DSCAM: variants seen among roughly 807,000 people sequenced by gnomAD.
DSCAM encodes cell adhesion molecule DSCAM.
In DSCAM, 47 loss-of-function variants were observed where a neutral mutation model predicts 217.7. That is an observed-to-expected ratio of 0.22 (90% CI 0.17 to 0.28). The LOEUF is 0.28. Among genes scored for constraint, DSCAM ranks in the 10% least tolerant of loss-of-function variants. The pLI is 1.00. For missense variants in DSCAM, 2,080 were observed against 2,618.3 expected (o/e 0.79, Z 4.49); for synonymous variants, 1,056 against 1,015.3 (o/e 1.04, Z -0.76).
chr21:40,169,802 C>A (rs1888500), intron 15 of DSCAM, among the ~76,000 whole-genome samples: 81,240 of 151,806 alleles, frequency 0.54, 22,243 homozygotes, highest in African/African-American at 0.62. Flanking sequence ...TGCACCCCTC[C>A]TTCACACACT....
At chr21:40,255,922 C>CG (rs1569026215) in intron 11 of DSCAM, among the ~76,000 whole-genome samples, 1 of 152,134 alleles carries the variant, frequency 6.6e-6, no homozygotes, top group African/African-American at 2.4e-5. Flanking sequence ...CACAGTGCTG[C>CG]GGACGCTCTG....
chr21:40,742,283 G>A (rs1292928575), intron 1 of DSCAM, among the ~76,000 whole-genome samples: 2 of 152,142 alleles, frequency 1.3e-5, no homozygotes, highest in Non-Finnish European at 2.9e-5. Context: ...TCTTTTTCTG[G>A]TAGCTCATTA....
chr21:40,118,415 C>T (rs2089996716), intron 20 of DSCAM, among the ~76,000 whole-genome samples: 1 of 152,116 alleles, frequency 6.6e-6, no homozygotes, highest in South Asian at 2.1e-4. Flanking sequence ...GTGAAAACCC[C>T]ATCTCCACTA....
intron 15 of DSCAM, 120 bp from the exon 16 acceptor site, chr21:40,167,408 GT>G: frequency 1.3e-6 from 1 of 775,176 alleles, no homozygotes; most frequent in South Asian, 1.6e-5. Flanking sequence ...AGAGAAAGAA[GT>G]TTTTAGCGGT....
intron 1 of DSCAM, among the ~76,000 whole-genome samples, chr21:40,826,491 G>T (rs1391871686): frequency 1.3e-5 from 2 of 152,224 alleles, no homozygotes; most frequent in African/African-American, 4.8e-5. Context: ...TTTATATTTT[G>T]AGGAAATCCC....
intron 3 of DSCAM, among the ~76,000 whole-genome samples, chr21:40,616,041 G>A (rs1337684496): frequency 1.3e-5 from 2 of 151,380 alleles, no homozygotes; most frequent in Non-Finnish European, 2.9e-5. Context: ...AACACAAGAG[G>A]CCTCGGTTAT....
At position 40,338,320 on chromosome 21, in the gene DSCAM, A is replaced by C; in HGVS notation, c.1564T>G (p.Tyr522Asp). Residue 522 changes from tyrosine (Y) to aspartate (D), a missense_variant, in exon 8 of 33, where the codon TAC (tyrosine) becomes GAC (aspartate). Coordinates refer to ENST00000400454, the MANE Select transcript of DSCAM (RefSeq NM_001389.5). ...TAGCCAATCACACGACAGTGAATGT[A>C]TGTGTCCCGTCCTGCTATTGCTGTG... ...NITAIAGRDTYIHCRVIGYPY... is the reference protein window; with the variant it reads ...NITAIAGRDTDIHCRVIGYPY... 1 of 1,614,228 alleles carries C rather than the reference A, an allele frequency of 6.2e-7. No homozygotes were observed. The highest frequency in any genetic ancestry group is 8.5e-7 in the Non-Finnish European group (1 of 1,180,028).
At chr21:40,543,527 C>T (rs2076557813) in intron 3 of DSCAM, among the ~76,000 whole-genome samples, 1 of 152,126 alleles carries the variant, frequency 6.6e-6, no homozygotes, top group Non-Finnish European at 1.5e-5. Context: ...GGAAATCACA[C>T]ATCCCTTCTT....
At chr21:40,479,336 G>A (rs1266516956) in intron 3 of DSCAM, among the ~76,000 whole-genome samples, 1 of 152,120 alleles carries the variant, frequency 6.6e-6, no homozygotes, top group Non-Finnish European at 1.5e-5. Flanking sequence ...ATCATTAACG[G>A]TGCAGGGGTA....
intron 8 of DSCAM, among the ~76,000 whole-genome samples, chr21:40,323,202 C>T (rs1437585682): frequency 6.6e-6 from 1 of 152,164 alleles, no homozygotes; most frequent in East Asian, 1.9e-4. Flanking sequence ...CTGTCCTTCC[C>T]TCCTCGGTTG....
At chr21:40,276,325 G>T in intron 10 of DSCAM, 55 bp from the exon 11 acceptor site, 1 of 1,508,004 alleles carries the variant, frequency 6.6e-7, no homozygotes, top group South Asian at 1.3e-5. Flanking sequence ...AGTATGGGAA[G>T]ACAACGAGTT....
At chr21:40,642,300 C>T (rs955774023) in intron 3 of DSCAM, among the ~76,000 whole-genome samples, 2 of 151,964 alleles carry the variant, frequency 1.3e-5, no homozygotes, top group African/African-American at 4.8e-5. Context: ...ACACTGGAGG[C>T]GGAGAGCACA....
rs994118565 is a variant in DSCAM at position 40,339,064 on chromosome 21, T to C, written c.1507+55A>G. 5 of 1,589,078 alleles carry C rather than the reference T, an allele frequency of 3.1e-6. No individual in the cohort carries two copies. The African/African-American group carries it at 6.7e-5, about 21-fold the overall frequency. Reference sequence around the variant, plus strand: ...CAGCTCGGTGCATGCAGAAATCTTCTTCTCCACTATAATGAGTTATGTGTG... The same window carrying C: ...CAGCTCGGTGCATGCAGAAATCTTCCTCTCCACTATAATGAGTTATGTGTG... On this transcript the variant is annotated intron_variant, in intron 7 of 32. Coordinates refer to ENST00000400454, the MANE Select transcript of DSCAM (RefSeq NM_001389.5).
intron 32 of DSCAM, among the ~76,000 whole-genome samples, chr21:40,019,154 T>A (rs916169067): frequency 6.6e-6 from 1 of 152,252 alleles, no homozygotes; most frequent in African/African-American, 2.4e-5. Flanking sequence ...GATTCTCTAA[T>A]TGTCCTCCTA....
chr21:40,259,616 T>C (rs2073420591), intron 11 of DSCAM, among the ~76,000 whole-genome samples: 1 of 150,560 alleles, frequency 6.6e-6, no homozygotes, highest in Non-Finnish European at 1.5e-5. Context: ...GAATACTGGT[T>C]ACTGAATAGT....
chr21:40,688,662 C>T (rs2090508630), intron 3 of DSCAM, among the ~76,000 whole-genome samples: 1 of 152,122 alleles, frequency 6.6e-6, no homozygotes, highest in Non-Finnish European at 1.5e-5. Context: ...ACCTTGTGTG[C>T]CTGTCTCTGA....
At chr21:40,637,270 A>T (rs5015215) in intron 3 of DSCAM, among the ~76,000 whole-genome samples, 4 of 2,986 alleles carry the variant, frequency 1.3e-3, no homozygotes, top group South Asian at 0.017. Flanking sequence ...TATAAATATA[A>T]ATATATATAT....
intron 3 of DSCAM, among the ~76,000 whole-genome samples, chr21:40,527,566 C>A (rs902209839): frequency 6.6e-6 from 1 of 152,220 alleles, no homozygotes; most frequent in Non-Finnish European, 1.5e-5. Flanking sequence ...GGCAGCTGCT[C>A]ATAAACTCAT....
intron 19 of DSCAM, among the ~76,000 whole-genome samples, chr21:40,127,633 A>C (rs983491527): frequency 3.3e-5 from 5 of 152,192 alleles, no homozygotes; most frequent in Non-Finnish European, 7.3e-5. Context: ...GAGATGTTTC[A>C]CACGGGCACC....
Sources: allele counts gnomAD v4.1 joint callset (sites outside exome capture counted in the v4.1 genomes callset), GRCh38; gene constraint gnomAD v4.1.1; transcripts MANE v1.5; gene names NCBI Gene and HGNC (gene_info 2026-07-23, HGNC 2026-07-21).